GAS7: variants seen among roughly 807,000 people sequenced by gnomAD.
The protein encoded by GAS7 is growth arrest-specific protein 7.
A neutral mutation model predicts 71.1 loss-of-function variants in GAS7; 28 were observed. That is an observed-to-expected ratio of 0.39 (90% CI 0.29 to 0.54). The LOEUF is 0.54. GAS7 is among the 20% of genes least tolerant of loss of function. The pLI, the probability that GAS7 is intolerant of heterozygous loss-of-function variation, is 0.62. For missense variants in GAS7, 436 were observed against 627.8 expected, an observed-to-expected ratio of 0.69 and a Z score of 3.27; for synonymous variants, 258 against 245.8, an observed-to-expected ratio of 1.05 and a Z score of -0.46.
intron 1 of GAS7, among the ~76,000 whole-genome samples, chr17:10,118,730 C>T (rs893190605): frequency 4.8e-5 from 7 of 147,268 alleles, no homozygotes; most frequent in African/African-American, 1.8e-4. Flanking sequence ...AAAAAAAGCC[C>T]TTGTGTATCT....
intron 1 of GAS7, among the ~76,000 whole-genome samples, chr17:10,143,506 C>A (rs977521212): frequency 3.4e-5 from 5 of 147,636 alleles, no homozygotes; most frequent in African/African-American, 1.3e-4. Flanking sequence ...CATGCCATTG[C>A]ACTACAGCCT....
intron 2 of GAS7, among the ~76,000 whole-genome samples, chr17:10,005,281 A>G (rs2071477527): frequency 6.7e-6 from 1 of 149,654 alleles, no homozygotes; most frequent in African/African-American, 2.5e-5. Context: ...GTATATGTAT[A>G]TACATGCATA....
At chr17:9,968,079 A>G (rs976994732) in intron 4 of GAS7, among the ~76,000 whole-genome samples, 2 of 152,216 alleles carry the variant, frequency 1.3e-5, no homozygotes, top group East Asian at 1.9e-4. Flanking sequence ...GATTTCTGTC[A>G]TCGTTGCTGA....
chr17:10,043,160 C>T (rs1253272248), intron 1 of GAS7, among the ~76,000 whole-genome samples: 1 of 152,150 alleles, frequency 6.6e-6, no homozygotes, highest in Non-Finnish European at 1.5e-5. Context: ...TATTCTCCCC[C>T]AGCATGCCTC....
chr17:9,956,049 G>A (rs2069221587), intron 5 of GAS7, among the ~76,000 whole-genome samples: 1 of 152,204 alleles, frequency 6.6e-6, no homozygotes, highest in South Asian at 2.1e-4. Flanking sequence ...GCTGAGGTGT[G>A]AGAGCCACTG....
chr17:10,097,333 G>C (rs923594788), intron 1 of GAS7, among the ~76,000 whole-genome samples: 1 of 152,342 alleles, frequency 6.6e-6, no homozygotes. Context: ...TTGCTTGACT[G>C]AATGGGAGGA....
At chr17:10,019,497 G>T (rs1390962033) in intron 2 of GAS7, among the ~76,000 whole-genome samples, 2 of 152,070 alleles carry the variant, frequency 1.3e-5, no homozygotes, top group Non-Finnish European at 2.9e-5. Context: ...AACAGGTTGG[G>T]TTTAACACAG....
chr17:10,066,294 C>A (rs1476536436), intron 1 of GAS7, among the ~76,000 whole-genome samples: 1 of 152,192 alleles, frequency 6.6e-6, no homozygotes, highest in Non-Finnish European at 1.5e-5. Flanking sequence ...GATTCTCCTG[C>A]CTCAGCCTCC....
At chr17:10,010,165 T>C (rs1329119294) in intron 2 of GAS7, among the ~76,000 whole-genome samples, 1 of 152,064 alleles carries the variant, frequency 6.6e-6, no homozygotes, top group Non-Finnish European at 1.5e-5. Context: ...TTCTTTCTTT[T>C]TTGGGGGGGC....
At position 10,054,407 on chromosome 17, in the gene GAS7, T is replaced by C. The variant is rs374234508; in HGVS notation, c.184-34510A>G. ...AGCAGGGCGGCAGGCTTGGTGTTGC[T>C]AGAGCATCTCGTTTTTGCAAGAGAA... On this transcript the variant is annotated intron_variant, in intron 1 of 13. Coordinates refer to ENST00000432992, the MANE Select transcript of GAS7 (RefSeq NM_201433.2). Among the ~76,000 whole-genome samples, 12 of 152,294 alleles carry C rather than the reference T, an allele frequency of 7.9e-5. No individual in the cohort carries two copies. In the East Asian group the frequency reaches 2.3e-3, roughly 29 times the overall value.
At chr17:10,093,984 C>T (rs1309004936) in intron 1 of GAS7, among the ~76,000 whole-genome samples, 1 of 152,200 alleles carries the variant, frequency 6.6e-6, no homozygotes, top group African/African-American at 2.4e-5. Context: ...GATGTGGGAA[C>T]TTCCTTAACC....
chr17:10,078,177 G>A (rs939286879), intron 1 of GAS7, among the ~76,000 whole-genome samples: 2 of 151,788 alleles, frequency 1.3e-5, no homozygotes, highest in East Asian at 1.9e-4. Context: ...CTGCAGTCTC[G>A]ATCTCCCAGG....
At position 9,919,162 on chromosome 17, in the gene GAS7, T is replaced by C. The variant is rs373280358; in HGVS notation, c.1218+464A>G. On this transcript the variant is annotated intron_variant, in intron 12 of 13. Transcript: ENST00000432992. This position sits in a 1 kb window ranked among gnomAD's most constrained non-coding sequence, Gnocchi z 5.0. Reference sequence around the variant, plus strand: ...GCATCATCGGCCCTGCCGCCTGTTGTTCACCCTTGGTGAGAGGCCTCCCCC... The same window carrying C: ...GCATCATCGGCCCTGCCGCCTGTTGCTCACCCTTGGTGAGAGGCCTCCCCC... Among the ~76,000 whole-genome samples, 2 of 129,854 alleles carry C rather than the reference T, an allele frequency of 1.5e-5. No individual in the cohort carries two copies. Among genetic ancestry groups the C allele is most frequent in the African/African-American group, 5.2e-5 (2 of 38,714 alleles). 85.2% of individuals were successfully genotyped at this position (129,854 alleles called of 152,430 possible).
intron 3 of GAS7, among the ~76,000 whole-genome samples, chr17:9,977,088 G>A (rs1312033935): frequency 1.3e-5 from 2 of 152,212 alleles, no homozygotes; most frequent in Admixed American, 1.3e-4. Flanking sequence ...TTTGACAAAT[G>A]TACCGTGGTT....
intron 1 of GAS7, among the ~76,000 whole-genome samples, chr17:10,122,692 T>A (rs1439793535): frequency 2.0e-5 from 3 of 152,184 alleles, no homozygotes; most frequent in African/African-American, 7.2e-5. Context: ...TTTTTACCCA[T>A]AAACCCAAAA....
chr17:10,077,509 A>G (rs1359737208), intron 1 of GAS7, among the ~76,000 whole-genome samples: 1 of 152,238 alleles, frequency 6.6e-6, no homozygotes, highest in African/African-American at 2.4e-5. Context: ...AGAAAGGCCC[A>G]GGAAGGCTCA....
In GAS7 at chr17:10,156,682, C is replaced by T. The variant is rs1031876509; in HGVS notation, c.183+41526G>A. ...AGGAGATGAAGGTTCATGAGGAAAG[C>T]GAGGTTGGGGTATTTTCACCAGTTC... On this transcript the variant is annotated intron_variant, in intron 1 of 13. Transcript: ENST00000432992. Among the ~76,000 whole-genome samples, 11 of 152,224 alleles carry T rather than the reference C, an allele frequency of 7.2e-5. No individual in the cohort carries two copies. In the East Asian group the frequency reaches 2.1e-3, roughly 30 times the overall value.
At chr17:9,983,515 G>A (rs973720110) in intron 2 of GAS7, among the ~76,000 whole-genome samples, 8 of 149,886 alleles carry the variant, frequency 5.3e-5, no homozygotes, top group South Asian at 4.3e-4. Flanking sequence ...GGCCGGGCGC[G>A]GTGGCTCATG....
At position 10,011,986 on chromosome 17, in the gene GAS7, A is replaced by AAC. The variant is rs929408872; in HGVS notation, c.304+7790_304+7791insGT. 9.2e-5 allele frequency among the ~76,000 whole-genome samples: 14 copies of AAC among 152,138 alleles called. No homozygotes were observed. In the South Asian group the frequency reaches 2.1e-3, roughly 23 times the overall value. Reference sequence around the variant, plus strand: ...GTGAAACTCCATCTCAAAAAAAAAAAAAACAAAAGATACCATCTCAAATGG... The same window carrying AAC: ...GTGAAACTCCATCTCAAAAAAAAAAAACAAACAAAAGATACCATCTCAAATGG... On this transcript the variant is annotated intron_variant, in intron 2 of 13. Coordinates refer to ENST00000432992, the MANE Select transcript of GAS7 (RefSeq NM_201433.2).
Sources: allele counts gnomAD v4.1 joint callset (sites outside exome capture counted in the v4.1 genomes callset), GRCh38; gene constraint gnomAD v4.1.1; non-coding constraint Gnocchi (gnomAD v3.1); transcripts MANE v1.5; gene names NCBI Gene and HGNC (gene_info 2026-07-23, HGNC 2026-07-21).